The following ZNF219 variants were observed in gnomAD, a reference collection of about 807,000 sequenced individuals.
ZNF219 encodes zinc finger protein 219.
Under a neutral mutation model 54.4 loss-of-function variants are expected in ZNF219, and 17 were observed. The ratio of observed to expected loss-of-function variants is 0.31; its 90% CI spans 0.21 to 0.47. ZNF219 has a LOEUF of 0.47. ZNF219 is among the 20% of genes least tolerant of loss of function. The probability of loss-of-function intolerance (pLI) is 1.00; values close to 1 mark genes in which losing one functional copy is unlikely to be tolerated. For missense variants in ZNF219, 1,014 were observed against 1,062.3 expected, an observed-to-expected ratio of 0.95 and a Z score of 0.63; for synonymous variants, 518 against 476.4, an observed-to-expected ratio of 1.09 and a Z score of -1.14.
Position 21,090,907 on chromosome 14 carries a change from C to T in ZNF219, c.1798G>A (p.Gly600Ser), listed in dbSNP as rs1888801276. ...GASSPRPPSS[G>S]AGPGSRRKPA... ...TTCCGACGGGACCCCGGCCCAGCAC[C>T]GCTAGAAGGAGGCCGGGGACTTGAG... The change falls in exon 5 of 5, where the codon GGT (glycine) becomes AGT (serine). Residue 600 changes from glycine to serine, a missense_variant. By Grantham distance (56) the Gly-to-Ser change is moderately conservative (BLOSUM62 0). Transcript: ENST00000360947. This position sits in a 1 kb window ranked among gnomAD's most constrained non-coding sequence, Gnocchi z 4.4. 1 of 1,550,158 alleles carries T rather than the reference C, an allele frequency of 6.5e-7. No homozygotes were observed. Among genetic ancestry groups the T allele is most frequent in the Non-Finnish European group, 8.7e-7 (1 of 1,151,244 alleles).
chr14:21,092,504 G>A lies in ZNF219; in HGVS notation c.793C>T (p.Pro265Ser), dbSNP rs965626433. Residue 265 changes from proline (P) to serine (S), a missense_variant, in exon 3 of 5, where the codon CCC becomes TCC. By Grantham distance (74) the Pro-to-Ser change is moderately conservative. This residue lies in a region of ZNF219 where 395 missense variants were observed against 415.1 expected (regional missense o/e 0.95). Coordinates refer to ENST00000360947, the MANE Select transcript of ZNF219 (RefSeq NM_016423.3). ...TCCGGAGGCGCTGGGGGCTCCTCGGGAGCGGCAGGAGCTGGGGTCGGGGTT... is the reference window on the plus strand; with the variant it reads ...TCCGGAGGCGCTGGGGGCTCCTCGGAAGCGGCAGGAGCTGGGGTCGGGGTT... ...EATPTPAPAA[P>S]EEPPAPPEFR... 1.5e-5 allele frequency: 24 copies of A among 1,551,064 alleles called. No homozygotes were observed. In the African/African-American group the frequency reaches 3.1e-4, roughly 20 times the overall value.
chr14:21,100,733 G>A (rs1004676854), upstream of ZNF219, among the ~76,000 whole-genome samples: 8 of 152,148 alleles, frequency 5.3e-5, 1 homozygote. Context: ...CCTGGTCTGG[G>A]GGCAAAGCTG....
intron 4 of ZNF219, 89 bp downstream of exon 4, chr14:21,091,322 G>A (rs983210998): frequency 1.1e-5 from 17 of 1,531,048 alleles, no homozygotes; most frequent in Non-Finnish European, 1.4e-5. Flanking sequence ...GAAGGCTTCG[G>A]AACAAACTTC....
chr14:21,094,647 T>C (rs1889179189), intron 1 of ZNF219: 1 of 211,486 alleles, frequency 4.7e-6, no homozygotes, highest in African/African-American at 2.4e-5. Context: ...TTCTCCAGGC[T>C]AAAATTCCCT....
chr14:21,096,371 T>A (rs1361036864), intron 1 of ZNF219, among the ~76,000 whole-genome samples: 3 of 152,186 alleles, frequency 2.0e-5, no homozygotes, highest in Non-Finnish European at 4.4e-5. Context: ...TGAGATACCT[T>A]CTTAGGCCCA....
At position 21,098,429 on chromosome 14, in the gene ZNF219, C is replaced by T. The variant is rs1889431213; in HGVS notation, c.-201G>A. The T allele has an allele frequency of 3.4e-6, 2 of 590,056 alleles. No individual in the cohort carries two copies. The allele number at this position is 590,056 out of a possible 1,614,324, so 36.6% of individuals were successfully genotyped here. On this transcript the variant is annotated 5_prime_UTR_variant, in exon 1 of 5. Transcript: ENST00000360947. Reference sequence around the variant, plus strand: ...CCGGGGGAGATGCGCCGGGCCCCGGCCCCCCCGCCCCCGGCCCGGCCCCCG... The same window carrying T: ...CCGGGGGAGATGCGCCGGGCCCCGGTCCCCCCGCCCCCGGCCCGGCCCCCG...
Position 21,091,993 on chromosome 14 carries a change from G to C in ZNF219, c.1304C>G (p.Ala435Gly). 4 of 1,561,424 alleles carry C rather than the reference G, an allele frequency of 2.6e-6. No individual in the cohort carries two copies. Among genetic ancestry groups the C allele is most frequent in the Non-Finnish European group, 3.5e-6 (4 of 1,153,310 alleles). The change falls in exon 3 of 5, where the codon GCC becomes GGC. Residue 435 changes from alanine to glycine, a missense_variant. Ala to Gly is a moderately conservative substitution (Grantham distance 60). This residue lies in a region of ZNF219 where 272 missense variants were observed against 248.9 expected (regional missense o/e 1.09). Transcript: ENST00000360947. ...GCCCCGGGCCCAGGTTTCCTCCTCG[G>C]CCTCCACCACCTCCTCTTCTTCCTC... ...EPEEEEEVVE[A>G]EEETWARGRS...
At position 21,092,097 on chromosome 14, in the gene ZNF219, GGGACCGGGCT is replaced by G; in HGVS notation, c.1190_1199del (p.Glu397AlafsTer348). The G allele has an allele frequency of 6.5e-7, 1 of 1,533,608 alleles. No individual in the cohort carries two copies. On this transcript the variant is annotated frameshift_variant, in exon 3 of 5. Transcript: ENST00000360947. LOFTEE classifies it high-confidence loss of function. ...GGCGGAAGCCTCCGAAGCTGCGGCC[GGGACCGGGCT>G]CAGCACCCTCGCCGTTGGGCCGGCC...
chr14:21,099,672 C>A (rs1414348591), upstream of ZNF219, among the ~76,000 whole-genome samples: 1 of 152,214 alleles, frequency 6.6e-6, no homozygotes, highest in African/African-American at 2.4e-5. Flanking sequence ...TGATGATGAT[C>A]ATAGCCACTA....
In ZNF219 at chr14:21,090,577, A is replaced by G; in HGVS notation, c.2128T>C (p.Ser710Pro). The G allele has an allele frequency of 6.2e-7, 1 of 1,607,754 alleles. No individual in the cohort carries two copies. The highest frequency in any genetic ancestry group is 8.5e-7 in the Non-Finnish European group (1 of 1,176,402). ...CCCAGCCCTGCCTCTCCGGGTCTGG[A>G]CAGCCCGGAGCCCTCCTCCCCTTCC... is the stretch of plus-strand genomic sequence containing the variant. Reference protein sequence around the residue: ...SQEGEEGSGLSRPGEAGLGGQ... With the variant: ...SQEGEEGSGLPRPGEAGLGGQ... Residue 710 changes from serine to proline, a missense_variant, in exon 5 of 5, where the codon TCC becomes CCC. Ser to Pro is a moderately conservative substitution (Grantham distance 74). Around this residue, in one of 5 missense-constraint regions of ZNF219, gnomAD observed 281 missense variants for 271.2 expected, o/e 1.04. Transcript: ENST00000360947. This position sits in a 1 kb window ranked among gnomAD's most constrained non-coding sequence, Gnocchi z 4.4.
chr14:21,102,097 C>T (rs569981936), upstream of ZNF219: 267 of 1,551,078 alleles, frequency 1.7e-4, no homozygotes, highest in South Asian at 2.7e-4. Flanking sequence ...TCTGGAGCTT[C>T]GCAGAGCACC....
intron 4 of ZNF219, 92 bp from the exon 5 acceptor site, chr14:21,091,232 A>C: frequency 6.6e-7 from 1 of 1,518,612 alleles, no homozygotes; most frequent in Admixed American, 2.1e-5. Flanking sequence ...CATTCTCAGA[A>C]CCAAGAAAGG....
Position 21,092,229 on chromosome 14 carries a change from C to G in ZNF219, c.1068G>C (p.Pro356=). The change falls in exon 3 of 5, where the codon CCG becomes CCC. Residue 356 remains proline (P), a synonymous_variant. Transcript: ENST00000360947. Reference sequence around the variant, plus strand: ...GGGCCAAGAGGAGCGCTGGGCCCAACGGCTCATAGGCCAGCAGGCCGAGGT... The same window carrying G: ...GGGCCAAGAGGAGCGCTGGGCCCAAGGGCTCATAGGCCAGCAGGCCGAGGT... ...PPDLGLLAYE[P]LGPALLLAPA... The G allele has an allele frequency of 2.1e-6, 3 of 1,448,774 alleles. No homozygotes were observed. Among genetic ancestry groups the G allele is most frequent in the Non-Finnish European group, 1.8e-6 (2 of 1,106,340 alleles). 89.7% of individuals were successfully genotyped at this position (1,448,774 alleles called of 1,614,324 possible).
At chr14:21,099,362 G>A (rs1018540990), upstream of ZNF219, among the ~76,000 whole-genome samples, 8 of 152,308 alleles carry the variant, frequency 5.3e-5, no homozygotes, top group Non-Finnish European at 2.9e-5. Context: ...CTGCAGGCTC[G>A]GGGATCCTCA....
In ZNF219 at chr14:21,090,334, T is replaced by A; in HGVS notation, c.*202A>T. 1.3e-6 allele frequency: 1 copy of A among 749,402 alleles called. No individual in the cohort carries two copies. The highest frequency in any genetic ancestry group is 2.7e-5 in the East Asian group (1 of 37,324). The allele number at this position is 749,402 out of a possible 1,614,324, so 46.4% of individuals were successfully genotyped here. On this transcript the variant is annotated 3_prime_UTR_variant, in exon 5 of 5. Coordinates refer to ENST00000360947, the MANE Select transcript of ZNF219 (RefSeq NM_016423.3). The surrounding 1 kb of genome is among the most constrained non-coding windows in gnomAD (Gnocchi z 4.4). ...TTCTTTGACCCTCACCTCTGCCACT[T>A]CTAAGGCACTGTGACTCCCTTGGGC...
At position 21,090,832 on chromosome 14, in the gene ZNF219, C is replaced by T. The variant is rs754605216; in HGVS notation, c.1873G>A (p.Glu625Lys). The change falls in exon 5 of 5, where the codon GAA becomes AAA. Residue 625 changes from glutamate to lysine, a missense_variant. Glu to Lys is a moderately conservative substitution (Grantham distance 56, BLOSUM62 1). This residue lies in a region of ZNF219 where 281 missense variants were observed against 271.2 expected (regional missense o/e 1.04). Coordinates refer to ENST00000360947, the MANE Select transcript of ZNF219 (RefSeq NM_016423.3). This position sits in a 1 kb window ranked among gnomAD's most constrained non-coding sequence, Gnocchi z 4.4. ...GCCCGCAAGGACAGGTCCAGGGGTT[C>T]GGCCTCACCGCCTCGCCCGTTGCGC... ...TLRNGRGGEA[E>K]PLDLSLRAGP... 1 of 1,559,402 alleles carries T rather than the reference C, an allele frequency of 6.4e-7. No individual in the cohort carries two copies. The highest frequency in any genetic ancestry group is 1.2e-5 in the South Asian group (1 of 84,924).
chr14:21,097,713 G>A (rs1464929192), intron 1 of ZNF219, among the ~76,000 whole-genome samples: 1 of 152,154 alleles, frequency 6.6e-6, no homozygotes, highest in Non-Finnish European at 1.5e-5. Context: ...AGCTACCCCC[G>A]GCCAGGAGAA....
Position 21,090,852 on chromosome 14 carries a change from T to C in ZNF219, c.1853A>G (p.Asn618Ser), listed in dbSNP as rs112570961. The change falls in exon 5 of 5, where the codon AAC becomes AGC. Residue 618 changes from asparagine (N) to serine (S), a missense_variant. This residue lies in a region of ZNF219 where 281 missense variants were observed against 271.2 expected (regional missense o/e 1.04). Coordinates refer to ENST00000360947, the MANE Select transcript of ZNF219 (RefSeq NM_016423.3). This position sits in a 1 kb window ranked among gnomAD's most constrained non-coding sequence, Gnocchi z 4.4. ...KPASPGRTLR[N>S]GRGGEAEPLD... ...GGGTTCGGCCTCACCGCCTCGCCCGTTGCGCAGGGTCCTCCCAGGGCTGGC... is the reference window on the plus strand; with the variant it reads ...GGGTTCGGCCTCACCGCCTCGCCCGCTGCGCAGGGTCCTCCCAGGGCTGGC... 6.4e-7 allele frequency: 1 copy of C among 1,554,784 alleles called. No individual in the cohort carries two copies.
upstream of ZNF219, chr14:21,101,510 C>T: frequency 7.5e-7 from 1 of 1,324,698 alleles, no homozygotes; most frequent in Non-Finnish European, 1.0e-6. Flanking sequence ...CAATTCAATT[C>T]CATCCATCCA....
Sources: allele counts gnomAD v4.1 joint callset (sites outside exome capture counted in the v4.1 genomes callset), GRCh38; gene constraint gnomAD v4.1.1; regional missense constraint gnomAD v4.1.1; non-coding constraint Gnocchi (gnomAD v3.1); transcripts MANE v1.5; gene names NCBI Gene and HGNC (gene_info 2026-07-23, HGNC 2026-07-21).